The following TBXAS1 variants were observed in gnomAD, a reference collection of about 807,000 sequenced individuals.
TBXAS1 encodes thromboxane A synthase 1.
In TBXAS1, 48 loss-of-function variants were observed where a neutral mutation model predicts 60.7. That is an observed-to-expected ratio of 0.79 (90% CI 0.63 to 1.01). The LOEUF (loss-of-function observed/expected upper bound fraction) is 1.01, where lower values mean the gene tolerates loss of function less well. Ranked by LOEUF, TBXAS1 falls within the 50% of genes least tolerant of loss-of-function variation. The pLI is 0.00. For synonymous variants in TBXAS1, 287 were observed against 269.7 expected, an observed-to-expected ratio of 1.06 and a Z score of -0.63; for missense variants, 685 against 686.3, an observed-to-expected ratio of 1.00 and a Z score of 0.02.
chr7:139,929,333 A>G (rs189157753), intron 4 of TBXAS1, among the ~76,000 whole-genome samples: 259 of 152,210 alleles, frequency 1.7e-3, no homozygotes, highest in Middle Eastern at 6.8e-3. Flanking sequence ...TCGTTCCCCT[A>G]TTGGCTGGGG....
intron 4 of TBXAS1, among the ~76,000 whole-genome samples, chr7:139,814,533 A>C (rs1172070018): frequency 6.6e-6 from 1 of 152,168 alleles, no homozygotes; most frequent in African/African-American, 2.4e-5. Flanking sequence ...AGGAAAGAAC[A>C]GATGTGGAAG....
chr7:139,845,111 G>C (rs932207641), intron 1 of TBXAS1, among the ~76,000 whole-genome samples: 2 of 152,168 alleles, frequency 1.3e-5, no homozygotes, highest in African/African-American at 4.8e-5. Context: ...TTCTGCTGCA[G>C]TTGAGGACTT....
rs375537542 is a variant in TBXAS1 at position 139,911,375 on chromosome 7, G to C, written c.333+54G>C. 7.7e-5 allele frequency: 113 copies of C among 1,466,270 alleles called. No individual in the cohort carries two copies. The African/African-American group carries it at 1.4e-3, about 18-fold the overall frequency. The allele number at this position is 1,466,270 out of a possible 1,614,324, so 90.8% of individuals were successfully genotyped here. ...GGATGGGGAATTGTTCTCAGATGGA[G>C]ACACTGCATGTCAGATCCAATGGGG... is the stretch of plus-strand genomic sequence containing the variant. On this transcript the variant is annotated intron_variant, in intron 4 of 12. Transcript: ENST00000448866.
intron 10 of TBXAS1, among the ~76,000 whole-genome samples, chr7:140,014,691 T>A (rs774031332): frequency 6.6e-6 from 1 of 151,630 alleles, no homozygotes; most frequent in Non-Finnish European, 1.5e-5. Flanking sequence ...AGGGGATCAC[T>A]TGAGGTCAGG....
At chr7:139,877,122 C>A (rs1802297471) in intron 3 of TBXAS1, among the ~76,000 whole-genome samples, 1 of 152,186 alleles carries the variant, frequency 6.6e-6, no homozygotes, top group African/African-American at 2.4e-5. Flanking sequence ...GGCACTGTGG[C>A]CACTTTGAGG....
rs145095778 is a variant in TBXAS1 at position 139,869,960 on chromosome 7, C to A, written c.90-2275C>A. Among the ~76,000 whole-genome samples the A allele has an allele frequency of 3.9e-5, 6 of 152,178 alleles. No homozygotes were observed. In the East Asian group the frequency reaches 1.2e-3, roughly 29 times the overall value. On this transcript the variant is annotated intron_variant, in intron 1 of 12. Transcript: ENST00000448866. The stretch of plus-strand genomic sequence containing the variant: ...AATGGAACCCATGTTGCTATTTTGC[C>A]CATAAATTTGGTGGCAATGATCTCT...
chr7:139,792,463 CAG>C (rs1293097988), intron 4 of TBXAS1, among the ~76,000 whole-genome samples: 3 of 152,294 alleles, frequency 2.0e-5, no homozygotes, highest in Admixed American at 6.5e-5. Context: ...CTGCAGGTCC[CAG>C]AGGTTTGTCT....
intron 3 of TBXAS1, among the ~76,000 whole-genome samples, chr7:139,906,609 T>A (rs1805100468): frequency 6.6e-6 from 1 of 152,238 alleles, no homozygotes; most frequent in South Asian, 2.1e-4. Context: ...TTTAAGTTCT[T>A]TGCCTTTCCA....
chr7:140,010,005 T>C (rs1316819046), intron 10 of TBXAS1, among the ~76,000 whole-genome samples: 2 of 46,752 alleles, frequency 4.3e-5, no homozygotes, highest in African/African-American at 8.7e-5. Context: ...CCACACCCGC[T>C]TCACACCCGC....
rs149376504 is a variant in TBXAS1 at position 139,916,979 on chromosome 7, TAAATC to T, written c.333+5662_333+5666del. Among the ~76,000 whole-genome samples, 1,057 of 152,342 alleles carry T rather than the reference TAAATC, an allele frequency of 6.9e-3. 13 individuals are homozygous for T. The highest frequency in any genetic ancestry group is 0.024 in the African/African-American group (1,008 of 41,564). On this transcript the variant is annotated intron_variant, in intron 4 of 12. Coordinates refer to ENST00000448866, the MANE Select transcript of TBXAS1 (RefSeq NM_001061.7). The surrounding 1 kb of genome is among the most constrained non-coding windows in gnomAD (Gnocchi z 4.2). ...CTGGAGTTCCTGGTTCTCTTTCTCT[TAAATC>T]AAACATTGAGTAAATGAAGACACTC...
intron 10 of TBXAS1, among the ~76,000 whole-genome samples, chr7:140,010,389 C>T (rs558318717): frequency 1.3e-5 from 2 of 152,314 alleles, no homozygotes; most frequent in South Asian, 4.1e-4. Context: ...GGAAACACAG[C>T]AGCCCTGTCT....
rs978817737 is a variant in TBXAS1, at chr7:139,962,381, G to A, written c.1134+148G>A. 7.1e-5 allele frequency: 69 copies of A among 972,654 alleles called. 4 individuals carry two copies. The highest frequency in any genetic ancestry group is 3.4e-4 in the South Asian group (23 of 67,804). The allele number at this position is 972,654 out of a possible 1,614,324, so 60.3% of individuals were successfully genotyped here. On this transcript the variant is annotated intron_variant, in intron 9 of 12. Transcript: ENST00000448866. ...ATAGGGTCATTGCTTGGCTTCTCCT[G>A]CTCTCCGGGTTAGCAAGCGAAATGA...
At chr7:139,836,112 G>T (rs765168502) in intron 1 of TBXAS1, among the ~76,000 whole-genome samples, 11 of 151,540 alleles carry the variant, frequency 7.3e-5, no homozygotes, top group Non-Finnish European at 1.3e-4. Flanking sequence ...CCTAACCAAA[G>T]AGTTGAAAAG....
At chr7:139,977,536 G>A (rs1273207530) in intron 9 of TBXAS1, among the ~76,000 whole-genome samples, 1 of 152,072 alleles carries the variant, frequency 6.6e-6, no homozygotes, top group African/African-American at 2.4e-5. Flanking sequence ...GAGGGTGAGG[G>A]GCTATTTCTC....
chr7:139,982,907 G>A (rs1380876922), intron 9 of TBXAS1, among the ~76,000 whole-genome samples: 1 of 151,878 alleles, frequency 6.6e-6, no homozygotes, highest in Non-Finnish European at 1.5e-5. Flanking sequence ...TAAAACTTAG[G>A]TCCCCCAACT....
At chr7:139,926,064 G>A (rs1456238958) in intron 4 of TBXAS1, among the ~76,000 whole-genome samples, 1 of 152,058 alleles carries the variant, frequency 6.6e-6, no homozygotes. Context: ...TTGCATCAGT[G>A]TTCTTCAGGG....
In TBXAS1 at chr7:139,984,940, GA is replaced by G. The variant is rs1391169831; in HGVS notation, c.1135-22147del. On this transcript the variant is annotated intron_variant, in intron 9 of 12. Transcript: ENST00000448866. ...AGAAAGAAGGAAAGAAAGAAAGAAA[GA>G]AAAGAAAAGAAAGAAAGAAAGAAAA... 5.3e-5 allele frequency among the ~76,000 whole-genome samples: 3 copies of G among 56,848 alleles called. No individual in the cohort carries two copies. The Admixed American group carries it at 6.7e-4, about 13-fold the overall frequency. The allele number at this position is 56,848 out of a possible 152,430, so 37.3% of individuals were successfully genotyped here.
chr7:139,879,246 T>C (rs6978372), intron 3 of TBXAS1, among the ~76,000 whole-genome samples: 1,846 of 152,314 alleles, frequency 0.012, 30 homozygotes, highest in African/African-American at 0.043. Flanking sequence ...TCACCAAGTG[T>C]CTACTTATGT....
intron 3 of TBXAS1, among the ~76,000 whole-genome samples, chr7:139,895,754 A>G (rs537059431): frequency 6.6e-6 from 1 of 152,320 alleles, no homozygotes. Context: ...AGGTGATCTG[A>G]GGGTTCTGTA....
Sources: allele counts gnomAD v4.1 joint callset (sites outside exome capture counted in the v4.1 genomes callset), GRCh38; gene constraint gnomAD v4.1.1; non-coding constraint Gnocchi (gnomAD v3.1); transcripts MANE v1.5; gene names NCBI Gene and HGNC (gene_info 2026-07-23, HGNC 2026-07-21).